Variants in RALGAPA1 observed in about 807,000 individuals in gnomAD.
RALGAPA1 encodes the protein Ral GTPase activating protein catalytic subunit alpha 1.
A neutral mutation model predicts 269.6 loss-of-function variants in RALGAPA1; 52 were observed. The ratio of observed to expected loss-of-function variants is 0.19; its 90% confidence interval spans 0.15 to 0.24. The LOEUF (loss-of-function observed/expected upper bound fraction) is 0.24, where lower values mean the gene tolerates loss of function less well. RALGAPA1 is among the 10% of genes least tolerant of loss of function. The pLI is 1.00. For synonymous variants in RALGAPA1, 817 were observed against 1,008.3 expected, an observed-to-expected ratio of 0.81 and a Z score of 3.60; for missense variants, 1,917 against 3,013.9, an observed-to-expected ratio of 0.64 and a Z score of 8.52.
At chr14:35,713,650 C>T (rs2140871850) in intron 16 of RALGAPA1, among the ~76,000 whole-genome samples, 1 of 152,142 alleles carries the variant, frequency 6.6e-6, no homozygotes, top group South Asian at 2.1e-4. Flanking sequence ...CCAGAAAAAT[C>T]CATTAAAATA....
intron 16 of RALGAPA1, among the ~76,000 whole-genome samples, chr14:35,705,652 G>A (rs1456684385): frequency 2.0e-5 from 3 of 152,128 alleles, no homozygotes; most frequent in African/African-American, 4.8e-5. Context: ...GCGTGGACAT[G>A]TTTTCAACTA....
chr14:35,746,833 A>G (rs2072155153), intron 10 of RALGAPA1, among the ~76,000 whole-genome samples: 1 of 152,126 alleles, frequency 6.6e-6, no homozygotes, highest in Admixed American at 6.6e-5. Context: ...AGAGGGTAAA[A>G]AAATAACTTT....
chr14:35,745,451 A>AC (rs1216231071), intron 10 of RALGAPA1, among the ~76,000 whole-genome samples: 2 of 150,984 alleles, frequency 1.3e-5, no homozygotes, highest in African/African-American at 4.9e-5. Context: ...ACACACACAC[A>AC]GTATTATCCA....
At chr14:35,638,877 G>A (rs2061829178) in intron 31 of RALGAPA1, among the ~76,000 whole-genome samples, 1 of 152,080 alleles carries the variant, frequency 6.6e-6, no homozygotes. Context: ...AGTGAGCTGA[G>A]ATTGCGCCGC....
intron 1 of RALGAPA1, among the ~76,000 whole-genome samples, chr14:35,796,229 A>G (rs2076553432): frequency 6.6e-6 from 1 of 152,124 alleles, no homozygotes; most frequent in South Asian, 2.1e-4. Context: ...TAAAAACTAC[A>G]GTTTCTGAGA....
chr14:35,781,390 T>A (rs978964031), intron 1 of RALGAPA1, among the ~76,000 whole-genome samples: 1 of 152,148 alleles, frequency 6.6e-6, no homozygotes, highest in African/African-American at 2.4e-5. Flanking sequence ...AAAGAAAAGC[T>A]TGGACTCAAA....
intron 18 of RALGAPA1, 25 bp downstream of exon 18, chr14:35,688,434 C>T (rs765653823): frequency 4.6e-6 from 7 of 1,536,002 alleles, no homozygotes; most frequent in East Asian, 2.4e-5. Context: ...TCTCCTTTTG[C>T]GCTCTGCACA....
intron 18 of RALGAPA1, among the ~76,000 whole-genome samples, chr14:35,687,969 G>T (rs1329771057): frequency 1.3e-5 from 2 of 152,132 alleles, no homozygotes; most frequent in Non-Finnish European, 2.9e-5. Context: ...GTAGGACCTT[G>T]ATTTCTATTA....
chr14:35,793,844 T>C (rs1044386127), intron 1 of RALGAPA1, among the ~76,000 whole-genome samples: 1 of 152,230 alleles, frequency 6.6e-6, no homozygotes, highest in Non-Finnish European at 1.5e-5. Flanking sequence ...TTATCATTAA[T>C]TGTTCTATTC....
chr14:35,713,697 C>A (rs2068559819), intron 16 of RALGAPA1, among the ~76,000 whole-genome samples: 1 of 151,950 alleles, frequency 6.6e-6, no homozygotes, highest in Non-Finnish European at 1.5e-5. Context: ...AATACTAGAG[C>A]ATATGGACAT....
chr14:35,548,889 TGTG>T (rs1372999886), intron 40 of RALGAPA1, among the ~76,000 whole-genome samples: 1 of 152,146 alleles, frequency 6.6e-6, no homozygotes, highest in South Asian at 2.1e-4. Flanking sequence ...TCATATAAAA[TGTG>T]GTACATGTAC....
chr14:35,595,708 T>C lies in RALGAPA1; in HGVS notation c.7135A>G (p.Thr2379Ala), dbSNP rs1469562829. 5 of 1,612,166 alleles carry C rather than the reference T, an allele frequency of 3.1e-6. No homozygotes were observed. The East Asian group carries it at 6.7e-5, about 22-fold the overall frequency. Reference protein sequence around the residue: ...STGLTTPYFATSTVEVIFHVS... With the variant: ...STGLTTPYFAASTVEVIFHVS... ...TGAAATATTACCTCTACTGTAGAGG[T>C]AGCAAAATATGGAGTGGTCAATCCA... Residue 2379 changes from threonine to alanine, a missense_variant, in exon 37 of 42, where the codon ACC becomes GCC. This residue lies in a region of RALGAPA1 where 132 missense variants were observed against 271.2 expected (regional missense o/e 0.49). Coordinates refer to ENST00000680220, the MANE Select transcript of RALGAPA1 (RefSeq NM_001346249.2).
At chr14:35,602,173 A>G (rs1336620193) in intron 36 of RALGAPA1, among the ~76,000 whole-genome samples, 1 of 152,180 alleles carries the variant, frequency 6.6e-6, no homozygotes, top group Non-Finnish European at 1.5e-5. Flanking sequence ...ACCGAATAAT[A>G]TTCCCTTTTA....
At chr14:35,595,541 T>C in intron 37 of RALGAPA1, 93 bp downstream of exon 37, 3 of 1,145,744 alleles carry the variant, frequency 2.6e-6, no homozygotes, top group Non-Finnish European at 3.9e-6. Flanking sequence ...CCAGAAACAG[T>C]GCTTGATCAA....
intron 16 of RALGAPA1, among the ~76,000 whole-genome samples, chr14:35,708,733 C>A (rs1239662369): frequency 6.6e-6 from 1 of 152,138 alleles, no homozygotes; most frequent in Non-Finnish European, 1.5e-5. Flanking sequence ...ATCCAGCAAT[C>A]CCACTCCTGG....
At chr14:35,775,099 T>C in intron 2 of RALGAPA1, 44 bp from the exon 3 acceptor site, 1 of 1,086,986 alleles carries the variant, frequency 9.2e-7, no homozygotes, top group Non-Finnish European at 1.4e-6. Context: ...TATCATTTTG[T>C]CCTCATAATG....
At chr14:35,547,301 C>T (rs933101882) in intron 41 of RALGAPA1, among the ~76,000 whole-genome samples, 7 of 152,122 alleles carry the variant, frequency 4.6e-5, no homozygotes, top group African/African-American at 1.7e-4. Context: ...CTGTAGCATC[C>T]TTTAATGTCT....
At chr14:35,612,376 A>G (rs2059991368) in intron 35 of RALGAPA1, among the ~76,000 whole-genome samples, 1 of 150,762 alleles carries the variant, frequency 6.6e-6, no homozygotes, top group Admixed American at 6.6e-5. Flanking sequence ...GTTTCAAAAA[A>G]AAAAAAAAAA....
At chr14:35,776,373 C>T (rs912395828) in intron 1 of RALGAPA1, among the ~76,000 whole-genome samples, 7 of 148,450 alleles carry the variant, frequency 4.7e-5, no homozygotes, top group Non-Finnish European at 8.9e-5. Context: ...CAGAGTGAGA[C>T]TCCACCTTGG....
Sources: gnomAD v4.1 joint callset for allele counts (sites outside exome capture counted in the v4.1 genomes callset) on GRCh38, gnomAD v4.1.1 for gene constraint, gnomAD v4.1.1 regional missense constraint, MANE v1.5 for transcripts, NCBI Gene and HGNC (gene_info 2026-07-23, HGNC 2026-07-21) for gene names.